Variants in IQGAP1 observed in about 807,000 individuals in gnomAD.
IQGAP1 encodes ras GTPase-activating-like protein IQGAP1.
Under a neutral mutation model 215.6 loss-of-function variants are expected in IQGAP1, and 66 were observed. That is an observed-to-expected ratio of 0.31 (90% CI 0.25 to 0.38). The LOEUF (loss-of-function observed/expected upper bound fraction) is 0.38. Ranked by LOEUF, IQGAP1 falls within the 10% of genes least tolerant of loss-of-function variation. The pLI, the probability that IQGAP1 is intolerant of heterozygous loss-of-function variation, is 1.00. For synonymous variants in IQGAP1, 772 were observed against 728.7 expected, an observed-to-expected ratio of 1.06 and a Z score of -0.96; for missense variants, 1,712 against 1,997.1, an observed-to-expected ratio of 0.86 and a Z score of 2.72.
chr15:90,394,579 C>G (rs1311599607), intron 2 of IQGAP1, among the ~76,000 whole-genome samples: 1 of 152,124 alleles, frequency 6.6e-6, no homozygotes, highest in Non-Finnish European at 1.5e-5. Flanking sequence ...GGTGAACCGG[C>G]CTGTATCTTG....
At chr15:90,432,792 C>G (rs951383526) in intron 4 of IQGAP1, among the ~76,000 whole-genome samples, 1 of 152,060 alleles carries the variant, frequency 6.6e-6, no homozygotes, top group African/African-American at 2.4e-5. Flanking sequence ...CCAAATTCTT[C>G]TCACCTCATT....
Position 90,485,976 on chromosome 15 carries a change from G to C in IQGAP1, c.3922-54G>C, listed in dbSNP as rs189446970. 2,389 of 1,312,990 alleles carry C rather than the reference G, an allele frequency of 1.8e-3. 21 individuals carry two copies. The African/African-American group carries it at 0.024, about 13-fold the overall frequency. 81.3% of individuals were successfully genotyped at this position (1,312,990 alleles called of 1,614,324 possible). A position where few individuals can be genotyped will look rare whatever the true frequency, so the allele number is the denominator to read the frequency against. ...AGATCATTGTTAGACATTCTAGGGAGGGACGGGCTGAAGAGTTGAATGTAT... is the reference window on the plus strand; with the variant it reads ...AGATCATTGTTAGACATTCTAGGGACGGACGGGCTGAAGAGTTGAATGTAT... On this transcript the variant is annotated intron_variant, in intron 30 of 37. Coordinates refer to ENST00000268182, the MANE Select transcript of IQGAP1 (RefSeq NM_003870.4).
intron 2 of IQGAP1, among the ~76,000 whole-genome samples, chr15:90,407,220 G>A (rs1375884387): frequency 6.6e-6 from 1 of 152,178 alleles, no homozygotes; most frequent in Non-Finnish European, 1.5e-5. Context: ...TGTTCGATGA[G>A]TATGACCAGG....
intron 10 of IQGAP1, 83 bp downstream of exon 10, chr15:90,448,819 G>A: frequency 3.3e-6 from 4 of 1,206,846 alleles, no homozygotes; most frequent in Non-Finnish European, 4.3e-6. Context: ...TATATATGCT[G>A]CCTTTGTTTT....
At chr15:90,419,660 G>GT (rs1352866359) in intron 2 of IQGAP1, among the ~76,000 whole-genome samples, 1 of 152,168 alleles carries the variant, frequency 6.6e-6, no homozygotes, top group Non-Finnish European at 1.5e-5. Flanking sequence ...TATCATGAAG[G>GT]TATGTTGTGG....
At chr15:90,448,774 T>C in intron 10 of IQGAP1, 38 bp downstream of exon 10, 1 of 1,430,322 alleles carries the variant, frequency 7.0e-7, no homozygotes. Context: ...AGAGTTTGTA[T>C]ATATCCATTC....
intron 6 of IQGAP1, among the ~76,000 whole-genome samples, chr15:90,440,240 G>A (rs1013235139): frequency 1.3e-5 from 2 of 152,174 alleles, no homozygotes; most frequent in African/African-American, 4.8e-5. Flanking sequence ...GCCATAAGTA[G>A]CAATTTTGAA....
At chr15:90,496,620 T>C (rs1210589893) in intron 36 of IQGAP1, 1 of 152,200 alleles carries the variant, frequency 6.6e-6, no homozygotes, top group Non-Finnish European at 1.5e-5. Flanking sequence ...TGTGCCCGGC[T>C]GCATAATACC....
At chr15:90,410,046 T>A (rs1277457711) in intron 2 of IQGAP1, among the ~76,000 whole-genome samples, 1 of 152,228 alleles carries the variant, frequency 6.6e-6, no homozygotes, top group African/African-American at 2.4e-5. Context: ...GTTCTGGATA[T>A]TAGCCCTTTG....
chr15:90,408,496 T>C (rs947322508), intron 2 of IQGAP1, among the ~76,000 whole-genome samples: 1 of 152,238 alleles, frequency 6.6e-6, no homozygotes, highest in African/African-American at 2.4e-5. Flanking sequence ...TAAAGAGATA[T>C]AAAGTGCCAT....
chr15:90,456,376 T>C (rs1036201610), intron 15 of IQGAP1, 61 bp downstream of exon 15: 2 of 1,532,768 alleles, frequency 1.3e-6, no homozygotes, highest in East Asian at 2.3e-5. Flanking sequence ...AGAACAAAGG[T>C]AGAGGTAGGA....
Position 90,477,686 on chromosome 15 carries a change from A to G in IQGAP1, c.3126A>G (p.Gln1042=), listed in dbSNP as rs1965999541. The G allele has an allele frequency of 6.2e-7, 1 of 1,613,406 alleles. No homozygotes were observed. The highest frequency in any genetic ancestry group is 8.5e-7 in the Non-Finnish European group (1 of 1,179,368). Residue 1042 remains glutamine, a synonymous_variant, in exon 26 of 38, where the codon CAA becomes CAG. Transcript: ENST00000268182. ...ATAGGTCGAAGGTAGATCAGATTCA[A>G]GAGATTGTGACAGGAAATCCTACGG... is the stretch of plus-strand genomic sequence containing the variant. ...EEIKSKVDQI[Q]EIVTGNPTVI...
Position 90,453,212 on chromosome 15 carries a change from A to C in IQGAP1, c.1407A>C (p.Ser469=), listed in dbSNP as rs753381072. 1 of 1,613,958 alleles carries C rather than the reference A, an allele frequency of 6.2e-7. No homozygotes were observed. The highest frequency in any genetic ancestry group is 1.1e-5 in the South Asian group (1 of 91,056). ...CCCTGATCAACAGGGCATTGGAATCAGGAGATGTGAATACAGTGTGGAAGC... is the reference window on the plus strand; with the variant it reads ...CCCTGATCAACAGGGCATTGGAATCCGGAGATGTGAATACAGTGTGGAAGC... ...SVALINRALE[S]GDVNTVWKQL... is the part of the protein sequence containing the mutation. Residue 469 remains serine (S), a synonymous_variant, in exon 13 of 38, where the codon TCA becomes TCC. Coordinates refer to ENST00000268182, the MANE Select transcript of IQGAP1 (RefSeq NM_003870.4).
chr15:90,497,644 G>A (rs1966290013), intron 37 of IQGAP1, among the ~76,000 whole-genome samples: 1 of 152,218 alleles, frequency 6.6e-6, no homozygotes, highest in Non-Finnish European at 1.5e-5. Context: ...TGCTGACACT[G>A]CAGAATTCTA....
chr15:90,426,045 A>G lies in IQGAP1; in HGVS notation c.156-65A>G. ...TCCAAGGAGAATGGAAATAAAGCTT[A>G]AAATCTCTAAGGAAAAGTTCTGACC... On this transcript the variant is annotated intron_variant, in intron 2 of 37. Coordinates refer to ENST00000268182, the MANE Select transcript of IQGAP1 (RefSeq NM_003870.4). 3 of 1,490,576 alleles carry G rather than the reference A, an allele frequency of 2.0e-6. No homozygotes were observed. In the East Asian group the frequency reaches 7.0e-5, roughly 35 times the overall value. The allele number at this position is 1,490,576 out of a possible 1,614,324, so 92.3% of individuals were successfully genotyped here. A position where few individuals can be genotyped will look rare whatever the true frequency, so the allele number is the denominator to read the frequency against.
intron 31 of IQGAP1, 182 bp downstream of exon 31, chr15:90,486,314 G>T (rs1268501900): frequency 6.3e-6 from 3 of 478,858 alleles, no homozygotes; most frequent in Non-Finnish European, 1.1e-5. Flanking sequence ...GCCCAGATGT[G>T]ATCAATATCT....
At chr15:90,405,001 C>A (rs1460189967) in intron 2 of IQGAP1, among the ~76,000 whole-genome samples, 1 of 152,122 alleles carries the variant, frequency 6.6e-6, no homozygotes, top group Non-Finnish European at 1.5e-5. Flanking sequence ...CTTATCTATA[C>A]TGAGATTATA....
At chr15:90,456,977 T>G (rs1216683743) in intron 15 of IQGAP1, among the ~76,000 whole-genome samples, 1 of 91,292 alleles carries the variant, frequency 1.1e-5, no homozygotes. Flanking sequence ...ATATATACGA[T>G]CCAGAAAAAA....
chr15:90,401,176 T>A (rs757231495), intron 2 of IQGAP1, among the ~76,000 whole-genome samples: 3 of 152,042 alleles, frequency 2.0e-5, no homozygotes. Context: ...TCCTTAATTT[T>A]TCTCCTGAAG....
Sources: allele counts gnomAD v4.1 joint callset (sites outside exome capture counted in the v4.1 genomes callset), GRCh38; gene constraint gnomAD v4.1.1; transcripts MANE v1.5; gene names NCBI Gene and HGNC (gene_info 2026-07-23, HGNC 2026-07-21).